CALCR: variants seen among roughly 807,000 people sequenced by gnomAD.
The protein encoded by CALCR is calcitonin receptor.
CALCR carries 47 observed loss-of-function variants against 59.5 expected under a neutral mutation model. The observed-to-expected ratio is 0.79, with a 90% CI of 0.63 to 1.01. CALCR has a LOEUF of 1.01. Among genes scored for constraint, CALCR ranks in the 50% least tolerant of loss-of-function variants. The pLI, the probability that CALCR is intolerant of heterozygous loss-of-function variation, is 0.00. For missense variants in CALCR, 566 were observed against 597.1 expected (o/e 0.95, Z 0.54); for synonymous variants, 213 against 211.3 (o/e 1.01, Z -0.07).
intron 2 of CALCR, among the ~76,000 whole-genome samples, chr7:93,550,531 C>T (rs1789422648): frequency 7.3e-6 from 1 of 136,300 alleles, no homozygotes; most frequent in Admixed American, 7.6e-5. Context: ...TCAATTTGGT[C>T]AATGTTGGCC....
At chr7:93,558,414 T>C (rs1248496045) in intron 2 of CALCR, among the ~76,000 whole-genome samples, 2 of 152,054 alleles carry the variant, frequency 1.3e-5, no homozygotes, top group African/African-American at 4.8e-5. Context: ...TGCTATTTGT[T>C]TTAGAAAGAA....
At chr7:93,527,337 T>C (rs1022583817) in intron 2 of CALCR, among the ~76,000 whole-genome samples, 1 of 151,810 alleles carries the variant, frequency 6.6e-6, no homozygotes, top group African/African-American at 2.4e-5. Context: ...ACATATTATA[T>C]GTTATTCACT....
At chr7:93,495,968 AT>A in intron 2 of CALCR, 1 of 1,495,996 alleles carries the variant, frequency 6.7e-7, no homozygotes, top group Non-Finnish European at 8.9e-7. Flanking sequence ...AGTGGGAATC[AT>A]TTATTCTGTG....
rs963677110 is a variant in CALCR, at chr7:93,427,380, A to T, written c.1192-791T>A. Among the ~76,000 whole-genome samples, 3 of 152,280 alleles carry T rather than the reference A, an allele frequency of 2.0e-5. No homozygotes were observed. The East Asian group carries it at 5.8e-4, about 29-fold the overall frequency. On this transcript the variant is annotated intron_variant, in intron 13 of 13. Transcript: ENST00000426151. ...AAGTTCCTCCTTCCTGTTGTCTCCA[A>T]ACTTCTTGCTTTTCTCTATAGCTGA...
chr7:93,435,444 G>C (rs371832134), intron 12 of CALCR, among the ~76,000 whole-genome samples: 176 of 152,228 alleles, frequency 1.2e-3, no homozygotes, highest in African/African-American at 4.0e-3. Context: ...CAGCAACAAA[G>C]AGCCTCAAAA....
intron 9 of CALCR, among the ~76,000 whole-genome samples, chr7:93,443,290 G>A (rs1162936999): frequency 6.6e-6 from 1 of 152,110 alleles, no homozygotes; most frequent in East Asian, 1.9e-4. Context: ...AGCAGAAGGA[G>A]GCCTAATCAG....
chr7:93,429,516 C>T (rs2115658369), intron 13 of CALCR, among the ~76,000 whole-genome samples: 1 of 152,232 alleles, frequency 6.6e-6, no homozygotes, highest in African/African-American at 2.4e-5. Flanking sequence ...AGAGCCCTGG[C>T]CTCACAGTTT....
chr7:93,486,388 T>A (rs1022046277), intron 3 of CALCR, among the ~76,000 whole-genome samples: 3 of 151,512 alleles, frequency 2.0e-5, no homozygotes, highest in African/African-American at 7.3e-5. Flanking sequence ...TTTAAAAGAT[T>A]GGAGAAAGAG....
At chr7:93,476,140 A>G (rs944899024) in intron 5 of CALCR, among the ~76,000 whole-genome samples, 1 of 151,608 alleles carries the variant, frequency 6.6e-6, no homozygotes, top group Non-Finnish European at 1.5e-5. Flanking sequence ...GTCCCAAACC[A>G]TATTTGGACC....
intron 8 of CALCR, among the ~76,000 whole-genome samples, chr7:93,457,869 C>A (rs1483728454): frequency 1.3e-5 from 2 of 151,246 alleles, no homozygotes; most frequent in Non-Finnish European, 2.9e-5. Flanking sequence ...AGACAATCAA[C>A]AGCACCAAGT....
At chr7:93,546,317 T>C (rs73711698) in intron 2 of CALCR, among the ~76,000 whole-genome samples, 4,705 of 152,232 alleles carry the variant, frequency 0.031, 258 homozygotes, top group African/African-American at 0.11. Context: ...ACAACTTATA[T>C]GGTTATACTA....
Position 93,477,208 on chromosome 7 carries a change from T to C in CALCR, c.316+350A>G, listed in dbSNP as rs567125947. Among the ~76,000 whole-genome samples, 6 of 152,032 alleles carry C rather than the reference T, an allele frequency of 3.9e-5. No individual in the cohort carries two copies. In the East Asian group the frequency reaches 7.8e-4, roughly 20 times the overall value. On this transcript the variant is annotated intron_variant, in intron 5 of 13. Coordinates refer to ENST00000426151, the MANE Select transcript of CALCR (RefSeq NM_001742.4). ...ATAGCTAATCCATTTAGTTTCAGCATCTGGGTCTCCTTCATAATTAAGATT... is the reference window on the plus strand; with the variant it reads ...ATAGCTAATCCATTTAGTTTCAGCACCTGGGTCTCCTTCATAATTAAGATT...
intron 2 of CALCR, among the ~76,000 whole-genome samples, chr7:93,543,208 G>A (rs776787302): frequency 1.3e-5 from 2 of 152,102 alleles, no homozygotes; most frequent in Non-Finnish European, 2.9e-5. Context: ...GCAGTCGCAC[G>A]ATCTCTGTTC....
chr7:93,488,582 G>GAAAAAAAAAAAAAA (rs1554401502), intron 2 of CALCR, among the ~76,000 whole-genome samples: 23 of 77,930 alleles, frequency 3.0e-4, no homozygotes, highest in East Asian at 4.4e-4. Flanking sequence ...CAAATGGAAA[G>GAAAAAAAAAAAAAA]AAAAAAAAAA....
At chr7:93,573,937 G>T in intron 2 of CALCR, among the ~76,000 whole-genome samples, 1 of 152,208 alleles carries the variant, frequency 6.6e-6, no homozygotes, top group African/African-American at 2.4e-5. Context: ...CACCCTTTGG[G>T]AAAATTCACA....
chr7:93,458,381 G>A (rs1800250348), intron 8 of CALCR, among the ~76,000 whole-genome samples: 1 of 152,140 alleles, frequency 6.6e-6, no homozygotes, highest in African/African-American at 2.4e-5. Context: ...ACAGATGTTT[G>A]CATAACACAG....
At chr7:93,492,968 G>T (rs1801117808) in intron 2 of CALCR, among the ~76,000 whole-genome samples, 1 of 151,308 alleles carries the variant, frequency 6.6e-6, no homozygotes, top group African/African-American at 2.4e-5. Flanking sequence ...GGAGCATAAA[G>T]CCTCTTAGGA....
At chr7:93,429,472 T>G (rs1373487082) in intron 13 of CALCR, among the ~76,000 whole-genome samples, 2 of 152,154 alleles carry the variant, frequency 1.3e-5, no homozygotes, top group Admixed American at 1.3e-4. Context: ...TTTTCCTGAT[T>G]ATATCTATTT....
At chr7:93,477,874 A>G (rs1800700596) in intron 4 of CALCR, among the ~76,000 whole-genome samples, 1 of 148,298 alleles carries the variant, frequency 6.7e-6, no homozygotes, top group African/African-American at 2.5e-5. Flanking sequence ...TTGGATGACA[A>G]GCAGGGTTCT....
Sources: allele counts gnomAD v4.1 joint callset (sites outside exome capture counted in the v4.1 genomes callset), GRCh38; gene constraint gnomAD v4.1.1; transcripts MANE v1.5; gene names NCBI Gene and HGNC (gene_info 2026-07-23, HGNC 2026-07-21).